KIF3C: variants seen among roughly 807,000 people sequenced by gnomAD.
KIF3C encodes kinesin family member 3C, also known as kinesin-like protein KIF3C.
KIF3C carries 12 observed loss-of-function variants against 67.7 expected under a neutral mutation model. The ratio of observed to expected loss-of-function variants is 0.18; its 90% CI spans 0.11 to 0.29. The LOEUF is 0.29. KIF3C is among the 10% of genes least tolerant of loss of function. The probability of loss-of-function intolerance (pLI) is 1.00; values close to 1 mark genes in which losing one functional copy is unlikely to be tolerated. For synonymous variants in KIF3C, 393 were observed against 426.2 expected (o/e 0.92, Z 0.96); for missense variants, 789 against 1,059.6 (o/e 0.74, Z 3.55).
In KIF3C at chr2:25,981,621, C is replaced by T. The variant is rs1664598062; in HGVS notation, c.297G>A (p.Thr99=). 1 of 1,614,202 alleles carries T rather than the reference C, an allele frequency of 6.2e-7. No homozygotes were observed. Among genetic ancestry groups the T allele is most frequent in the East Asian group, 2.2e-5 (1 of 44,876 alleles). The stretch of plus-strand genomic sequence containing the variant: ...GCATGGTATAGGTCTTGCCAGTGCC[C>T]GTCTGGCCATAGGCAAACACCGTGC... The part of the protein sequence containing the change: ...FNGTVFAYGQ[T]GTGKTYTMQG... The change falls in exon 1 of 8, where the codon ACG becomes ACA. Residue 99 remains threonine (T), a synonymous_variant. Transcript: ENST00000264712. This position sits in a 1 kb window ranked among gnomAD's most constrained non-coding sequence, Gnocchi z 8.2.
intron 1 of KIF3C, among the ~76,000 whole-genome samples, chr2:25,963,815 C>A (rs570916750): frequency 6.6e-6 from 1 of 151,618 alleles, no homozygotes; most frequent in African/African-American, 2.4e-5. Context: ...GCCTCAGCCT[C>A]CTGAGTAGCT....
intron 5 of KIF3C, among the ~76,000 whole-genome samples, chr2:25,930,861 T>C (rs562760053): frequency 1.1e-4 from 16 of 152,130 alleles, no homozygotes; most frequent in African/African-American, 3.6e-4. Context: ...AATTTTTGTA[T>C]TTTTAGTAGA....
intron 5 of KIF3C, among the ~76,000 whole-genome samples, chr2:25,935,389 CAG>C (rs1425276472): frequency 6.6e-6 from 1 of 151,264 alleles, no homozygotes; most frequent in Non-Finnish European, 1.5e-5. Flanking sequence ...TTTCTATAGA[CAG>C]AGTCTTGCTC....
At chr2:25,951,100 G>A (rs1436594636) in intron 5 of KIF3C, among the ~76,000 whole-genome samples, 1 of 151,996 alleles carries the variant, frequency 6.6e-6, no homozygotes, top group Non-Finnish European at 1.5e-5. Context: ...AGCCTCCTAA[G>A]CACCTCTCTC....
At chr2:25,954,177 GAC>G in intron 4 of KIF3C, 88 bp downstream of exon 4, 1 of 909,818 alleles carries the variant, frequency 1.1e-6, no homozygotes, top group Admixed American at 1.7e-5. Flanking sequence ...TGGGAGAGGA[GAC>G]AGTCAGGATG....
chr2:25,929,054 C>A lies in KIF3C; in HGVS notation c.2306G>T (p.Arg769Leu). 1.9e-6 allele frequency: 3 copies of A among 1,613,646 alleles called. No homozygotes were observed. The highest frequency in any genetic ancestry group is 2.5e-6 in the Non-Finnish European group (3 of 1,179,872). ...GGCATGTGTGGTGGAAGGTGGAGGCCGCTGAGGACTCTGGCACCTGCAGGG... is the reference window on the plus strand; with the variant it reads ...GGCATGTGTGGTGGAAGGTGGAGGCAGCTGAGGACTCTGGCACCTGCAGGG... ...KSRSWCQSPQ[R>L]PPPSTTHASL... Residue 769 changes from arginine to leucine, a missense_variant, in exon 8 of 8, where the codon CGG becomes CTG. This residue lies in a region of KIF3C where 648 missense variants were observed against 807.8 expected (regional missense o/e 0.80). Transcript: ENST00000264712.
At chr2:25,933,591 C>A (rs1234712921) in intron 5 of KIF3C, among the ~76,000 whole-genome samples, 11 of 151,978 alleles carry the variant, frequency 7.2e-5, no homozygotes, top group African/African-American at 2.4e-4. Flanking sequence ...GGGAGGATCA[C>A]CTGAGCCTGG....
At chr2:25,936,361 G>A (rs569128380) in intron 5 of KIF3C, among the ~76,000 whole-genome samples, 1 of 152,252 alleles carries the variant, frequency 6.6e-6, no homozygotes, top group African/African-American at 2.4e-5. Flanking sequence ...AAATGCGTGT[G>A]TGTGTGTCTG....
At chr2:25,969,718 G>GTTTT (rs1559557196) in intron 1 of KIF3C, among the ~76,000 whole-genome samples, 1 of 140,724 alleles carries the variant, frequency 7.1e-6, no homozygotes, top group African/African-American at 2.8e-5. Context: ...GATTTGTTGG[G>GTTTT]TTTTTGTTTT....
chr2:25,948,945 C>T (rs1216713872), intron 5 of KIF3C, among the ~76,000 whole-genome samples: 1 of 151,646 alleles, frequency 6.6e-6, no homozygotes, highest in East Asian at 1.9e-4. Context: ...CTTCTCAGTT[C>T]CACATTAAAG....
At chr2:25,976,984 C>T (rs993275514) in intron 1 of KIF3C, among the ~76,000 whole-genome samples, 3 of 152,062 alleles carry the variant, frequency 2.0e-5, no homozygotes, top group African/African-American at 4.8e-5. Context: ...TTCCTCCTAC[C>T]TCACAGGCCT....
At chr2:25,933,610 G>A (rs2090480273) in intron 5 of KIF3C, among the ~76,000 whole-genome samples, 1 of 151,854 alleles carries the variant, frequency 6.6e-6, no homozygotes, top group African/African-American at 2.4e-5. Context: ...GGGAGGTCAA[G>A]GCTGCAGTGA....
intron 1 of KIF3C, among the ~76,000 whole-genome samples, chr2:25,963,483 A>C (rs1664060432): frequency 6.7e-6 from 1 of 149,916 alleles, no homozygotes; most frequent in Non-Finnish European, 1.5e-5. Flanking sequence ...GTGAGCCACC[A>C]CTCCCAGCCT....
At chr2:25,950,704 G>A (rs937959809) in intron 5 of KIF3C, among the ~76,000 whole-genome samples, 2 of 152,076 alleles carry the variant, frequency 1.3e-5, no homozygotes, top group Non-Finnish European at 2.9e-5. Flanking sequence ...AGCCAGGGTG[G>A]AAAACCTCTA....
chr2:25,941,014 A>G (rs910601957), intron 5 of KIF3C, among the ~76,000 whole-genome samples: 5 of 152,108 alleles, frequency 3.3e-5, no homozygotes, highest in Non-Finnish European at 5.9e-5. Context: ...ATGCCTTTAA[A>G]AAGAATCTAG....
rs997798763 is a variant in KIF3C at position 25,982,276 on chromosome 2, G to C, written c.-359C>G. ...AATGAGATAAAGGAAGAGGAAAATG[G>C]GATGGGGGTGGGCGGCGAGCTGTCT... On this transcript the variant is annotated 5_prime_UTR_variant, in exon 1 of 8. Transcript: ENST00000264712. 3 of 404,242 alleles carry C rather than the reference G, an allele frequency of 7.4e-6. No homozygotes were observed. Among genetic ancestry groups the C allele is most frequent in the Non-Finnish European group, 1.3e-5 (3 of 229,670 alleles). The allele number at this position is 404,242 out of a possible 1,614,324, so 25.0% of individuals were successfully genotyped here. A position where few individuals can be genotyped will look rare whatever the true frequency, so the allele number is the denominator to read the frequency against.
chr2:25,963,971 G>C (rs1202416688), intron 1 of KIF3C, among the ~76,000 whole-genome samples: 1 of 152,048 alleles, frequency 6.6e-6, no homozygotes, highest in Non-Finnish European at 1.5e-5. Flanking sequence ...GATTACAGGC[G>C]TGAGCCACCA....
At chr2:25,968,889 T>C (rs1392672585) in intron 1 of KIF3C, among the ~76,000 whole-genome samples, 4 of 152,048 alleles carry the variant, frequency 2.6e-5, no homozygotes, top group Non-Finnish European at 5.9e-5. Flanking sequence ...AGTGGCGTGA[T>C]CTCGGCTCAC....
At position 25,980,266 on chromosome 2, in the gene KIF3C, G is replaced by A; in HGVS notation, c.1545+107C>T. ...GCAGGAGGGCAGTGTGCGGTGCTGA[G>A]GGAGAACCTCCACTTCAGGCCAGGT... On this transcript the variant is annotated intron_variant, in intron 1 of 7. Transcript: ENST00000264712. This position sits in a 1 kb window ranked among gnomAD's most constrained non-coding sequence, Gnocchi z 7.6. 1 of 910,482 alleles carries A rather than the reference G, an allele frequency of 1.1e-6. No homozygotes were observed. Among genetic ancestry groups the A allele is most frequent in the Non-Finnish European group, 1.6e-6 (1 of 607,892 alleles). 56.4% of individuals were successfully genotyped at this position (910,482 alleles called of 1,614,324 possible).
Sources: gnomAD v4.1 joint callset for allele counts (sites outside exome capture counted in the v4.1 genomes callset) on GRCh38, gnomAD v4.1.1 for gene constraint, gnomAD v4.1.1 regional missense constraint, Gnocchi (gnomAD v3.1) non-coding constraint, MANE v1.5 for transcripts, NCBI Gene and HGNC (gene_info 2026-07-23, HGNC 2026-07-21) for gene names.